SCN9A: variants seen among roughly 807,000 people sequenced by gnomAD.
SCN9A encodes the protein sodium voltage-gated channel alpha subunit 9.
SCN9A carries 131 observed loss-of-function variants against 187.0 expected under a neutral mutation model. That is an observed-to-expected ratio of 0.70 (90% CI 0.61 to 0.81). The LOEUF (loss-of-function observed/expected upper bound fraction) is 0.81. Among genes scored for constraint, SCN9A ranks in the 30% least tolerant of loss-of-function variants. The pLI is 0.00. For synonymous variants in SCN9A, 809 were observed against 808.6 expected, an observed-to-expected ratio of 1.00 and a Z score of -0.01; for missense variants, 2,252 against 2,396.6, an observed-to-expected ratio of 0.94 and a Z score of 1.26.
chr2:166,207,357 C>G (rs1362165805), intron 24 of SCN9A, among the ~76,000 whole-genome samples: 1 of 151,974 alleles, frequency 6.6e-6, no homozygotes, highest in African/African-American at 2.4e-5. Context: ...GGAAGCTTCC[C>G]ATTATATTGA....
chr2:166,261,253 T>C (rs1306793495), intron 17 of SCN9A, among the ~76,000 whole-genome samples: 3 of 151,910 alleles, frequency 2.0e-5, no homozygotes, highest in African/African-American at 7.2e-5. Context: ...AATCCAGATT[T>C]TATTCAGGGT....
chr2:166,330,073 T>A (rs374497861), intron 1 of SCN9A, among the ~76,000 whole-genome samples: 3 of 152,198 alleles, frequency 2.0e-5, no homozygotes, highest in African/African-American at 4.8e-5. Context: ...ACTATTCTAA[T>A]TAAAAATTTT....
intron 24 of SCN9A, among the ~76,000 whole-genome samples, chr2:166,206,492 C>T (rs1693812212): frequency 6.6e-6 from 1 of 152,026 alleles, no homozygotes; most frequent in Admixed American, 6.6e-5. Flanking sequence ...GGGAGGGGAA[C>T]ATCACACACC....
At chr2:166,334,403 T>C (rs1699579227) in intron 1 of SCN9A, among the ~76,000 whole-genome samples, 1 of 152,102 alleles carries the variant, frequency 6.6e-6, no homozygotes, top group African/African-American at 2.4e-5. Flanking sequence ...TAGTCCCATT[T>C]ATACTTTGCT....
At chr2:166,290,580 T>A in intron 9 of SCN9A, among the ~76,000 whole-genome samples, 1 of 152,184 alleles carries the variant, frequency 6.6e-6, no homozygotes, top group Non-Finnish European at 1.5e-5. Context: ...CAGAATCTAT[T>A]GTTTCTCAAC....
intron 1 of SCN9A, among the ~76,000 whole-genome samples, chr2:166,345,367 A>G (rs1699875599): frequency 1.3e-5 from 2 of 152,130 alleles, no homozygotes. Flanking sequence ...TTTCTATAAC[A>G]ATTAGAACAT....
Position 166,218,417 on chromosome 2 carries a change from T to A in SCN9A, c.4398+8150A>T, listed in dbSNP as rs7585108. The stretch of plus-strand genomic sequence containing the variant: ...TAGAACTTAAAGTAAAATAAAAAAA[T>A]AAATAAATAAAAAATAAAAAAGTGA... On this transcript the variant is annotated intron_variant, in intron 24 of 26. Transcript: ENST00000642356. 2.1e-3 allele frequency among the ~76,000 whole-genome samples: 300 copies of A among 146,080 alleles called. 1 individual carries two copies. The highest frequency in any genetic ancestry group is 7.6e-3 in the African/African-American group (282 of 37,198).
Position 166,272,827 on chromosome 2 carries a change from T to A in SCN9A, c.2923A>T (p.Asn975Tyr), listed in dbSNP as rs2106461476. Reference sequence around the variant, plus strand: ...GGGTCTTCTTCAATTGCTGTAAGATTGTCTGAACTAAATGAGCTCAATAAT... The same window carrying A: ...GGGTCTTCTTCAATTGCTGTAAGATAGTCTGAACTAAATGAGCTCAATAAT... ...ALLLSSFSSD[N>Y]LTAIEEDPDA... Residue 975 changes from asparagine (N) to tyrosine (Y), a missense_variant, in exon 17 of 27, where the codon AAT becomes TAT. Transcript: ENST00000642356. 2 of 1,517,056 alleles carry A rather than the reference T, an allele frequency of 1.3e-6. No individual in the cohort carries two copies. Among genetic ancestry groups the A allele is most frequent in the Non-Finnish European group, 1.8e-6 (2 of 1,136,652 alleles). 94.0% of individuals were successfully genotyped at this position (1,517,056 alleles called of 1,614,324 possible).
At chr2:166,332,951 A>G (rs1699541992) in intron 1 of SCN9A, among the ~76,000 whole-genome samples, 1 of 151,230 alleles carries the variant, frequency 6.6e-6, no homozygotes, top group Non-Finnish European at 1.5e-5. Context: ...TTCTTTTAAA[A>G]TTATATTTTA....
At chr2:166,222,735 A>G (rs1280463736) in intron 24 of SCN9A, among the ~76,000 whole-genome samples, 3 of 144,046 alleles carry the variant, frequency 2.1e-5, no homozygotes, top group Non-Finnish European at 4.5e-5. Context: ...GATCGAGACC[A>G]TCCTGGCTAA....
chr2:166,245,550 T>C (rs1029444980), intron 18 of SCN9A, among the ~76,000 whole-genome samples: 6 of 151,852 alleles, frequency 4.0e-5, no homozygotes, highest in Non-Finnish European at 7.4e-5. Flanking sequence ...ATTGAAACAT[T>C]GAAAAATTTT....
At chr2:166,292,801 G>C (rs956173976) in intron 9 of SCN9A, among the ~76,000 whole-genome samples, 1 of 152,138 alleles carries the variant, frequency 6.6e-6, no homozygotes, top group Non-Finnish European at 1.5e-5. Flanking sequence ...GAAAAACTTA[G>C]AGAAATGAAT....
chr2:166,203,468 T>TGAA (rs1693642466), intron 26 of SCN9A, among the ~76,000 whole-genome samples: 1 of 151,920 alleles, frequency 6.6e-6, no homozygotes, highest in Non-Finnish European at 1.5e-5. Flanking sequence ...TATACACTTG[T>TGAA]GAAGTATTAA....
chr2:166,272,220 A>G lies in SCN9A; in HGVS notation c.3351+179T>C, dbSNP rs563286107. On this transcript the variant is annotated intron_variant, in intron 17 of 26. Transcript: ENST00000642356. The stretch of plus-strand genomic sequence containing the variant: ...AGTAAGATTAAATCAATTATTAAGA[A>G]CTAGTAAGAAAACTTTACCAGATGA... 3.3e-5 allele frequency among the ~76,000 whole-genome samples: 5 copies of G among 152,208 alleles called. No individual in the cohort carries two copies. The South Asian group carries it at 6.2e-4, about 19-fold the overall frequency.
intron 18 of SCN9A, among the ~76,000 whole-genome samples, chr2:166,250,285 C>T (rs567703625): frequency 1.3e-5 from 2 of 152,076 alleles, no homozygotes; most frequent in African/African-American, 4.8e-5. Flanking sequence ...CTAGATAAGT[C>T]ATTAGCATCT....
chr2:166,304,860 G>A (rs72882854), intron 5 of SCN9A, among the ~76,000 whole-genome samples: 38,123 of 151,958 alleles, frequency 0.25, 5,008 homozygotes, highest in Middle Eastern at 0.39. Context: ...GCGCAAGTTT[G>A]TCAATATACT....
At chr2:166,221,826 A>G (rs1252154794) in intron 24 of SCN9A, among the ~76,000 whole-genome samples, 1 of 152,200 alleles carries the variant, frequency 6.6e-6, no homozygotes, top group East Asian at 1.9e-4. Flanking sequence ...ATGCATAAAT[A>G]GTTAACTCAT....
intron 24 of SCN9A, among the ~76,000 whole-genome samples, chr2:166,221,371 A>G (rs1005521745): frequency 2.0e-5 from 3 of 152,208 alleles, no homozygotes; most frequent in Non-Finnish European, 2.9e-5. Context: ...AAAAAAGAAC[A>G]AAATGGAAGA....
At chr2:166,235,344 A>G (rs141523921) in intron 20 of SCN9A, among the ~76,000 whole-genome samples, 9 of 152,288 alleles carry the variant, frequency 5.9e-5, no homozygotes, top group African/African-American at 2.2e-4. Context: ...CTATAAACAC[A>G]CACGTATATA....
Sources: allele counts gnomAD v4.1 joint callset (sites outside exome capture counted in the v4.1 genomes callset), GRCh38; gene constraint gnomAD v4.1.1; transcripts MANE v1.5; gene names NCBI Gene and HGNC (gene_info 2026-07-23, HGNC 2026-07-21).